GABPB2: variants seen among roughly 807,000 people sequenced by gnomAD.
GABPB2 encodes GA-binding protein subunit beta-2.
In GABPB2, 23 loss-of-function variants were observed where a neutral mutation model predicts 39.1. The ratio of observed to expected loss-of-function variants is 0.59; its 90% CI spans 0.42 to 0.83. The LOEUF (loss-of-function observed/expected upper bound fraction) is 0.83. GABPB2 is among the 40% of genes least tolerant of loss of function. The pLI is 0.00. For synonymous variants in GABPB2, 184 were observed against 199.3 expected (o/e 0.92, Z 0.65); for missense variants, 467 against 541.1 (o/e 0.86, Z 1.36).
At chr1:151,096,009 G>C (rs1204007151) in intron 4 of GABPB2, among the ~76,000 whole-genome samples, 1 of 141,602 alleles carries the variant, frequency 7.1e-6, no homozygotes, top group Non-Finnish European at 1.5e-5. Context: ...CTGTACTCCA[G>C]CCTGGGAGAC....
chr1:151,112,885 C>T (rs933281647), intron 7 of GABPB2, among the ~76,000 whole-genome samples: 1 of 151,990 alleles, frequency 6.6e-6, no homozygotes, highest in Non-Finnish European at 1.5e-5. Context: ...ATTCCCCTGC[C>T]TCAGCCTCCT....
chr1:151,107,632 T>G (rs1277531322), intron 7 of GABPB2, among the ~76,000 whole-genome samples: 1 of 151,980 alleles, frequency 6.6e-6, no homozygotes, highest in African/African-American at 2.4e-5. Context: ...CCGGCCCTGA[T>G]GGCTCTTAAA....
chr1:151,088,708 G>T (rs1678410465), intron 2 of GABPB2, among the ~76,000 whole-genome samples: 1 of 152,152 alleles, frequency 6.6e-6, no homozygotes, highest in Non-Finnish European at 1.5e-5. Context: ...TGGTTAATAA[G>T]AAATTGTCTA....
In GABPB2 at chr1:151,075,563, CAAAAAA is replaced by C. The variant is rs35110350; in HGVS notation, c.-1+4651_-1+4656del. On this transcript the variant is annotated intron_variant, in intron 1 of 8. Transcript: ENST00000368918. ...TGGGCGACAGAGCGAGACTTTGTCT[CAAAAAA>C]AAAAAAAAAAAAAAAAAAAAATTTA... Among the ~76,000 whole-genome samples the C allele has an allele frequency of 1.1e-4, 5 of 44,270 alleles. No individual in the cohort carries two copies. The East Asian group carries it at 1.9e-3, about 17-fold the overall frequency. 29.0% of individuals were successfully genotyped at this position (44,270 alleles called of 152,430 possible).
At chr1:151,098,563 C>T (rs1375359867) in intron 5 of GABPB2, among the ~76,000 whole-genome samples, 2 of 149,362 alleles carry the variant, frequency 1.3e-5, no homozygotes, top group Non-Finnish European at 3.0e-5. Context: ...ATGCCTAGAC[C>T]AAAAATGAAA....
Position 151,109,423 on chromosome 1 carries a change from A to G in GABPB2, c.922+2201A>G, listed in dbSNP as rs587615206. ...CTCCAGGCTGGAGTGCAGTGGCACA[A>G]TCTCGGCTCACTGCAACCTCCACCT... On this transcript the variant is annotated intron_variant, in intron 7 of 8. Coordinates refer to ENST00000368918, the MANE Select transcript of GABPB2 (RefSeq NM_144618.3). 1.1e-4 allele frequency among the ~76,000 whole-genome samples: 17 copies of G among 148,174 alleles called. No homozygotes were observed. In the Admixed American group the frequency reaches 1.2e-3, roughly 10 times the overall value.
intron 4 of GABPB2, among the ~76,000 whole-genome samples, chr1:151,097,533 C>T (rs1163797369): frequency 6.6e-6 from 1 of 151,948 alleles, no homozygotes; most frequent in African/African-American, 2.4e-5. Context: ...TGTAATCCTA[C>T]CACTTTAGGA....
chr1:151,117,436 A>G lies in GABPB2; in HGVS notation c.967A>G (p.Lys323Glu). ...TAAGGTTGCAGAGGAGACTGTAATT[A>G]AAGAGGAAGAAGAAGAGAAGTTGCC... ...AGKVAEETVI[K>E]EEEEEKLPLT... is the part of the protein sequence containing the mutation. The change falls in exon 8 of 9, where the codon AAA becomes GAA. Residue 323 changes from lysine to glutamate, a missense_variant. Lys to Glu is a moderately conservative substitution (Grantham distance 56). Transcript: ENST00000368918. The G allele has an allele frequency of 6.2e-7, 1 of 1,613,784 alleles. No individual in the cohort carries two copies. Among genetic ancestry groups the G allele is most frequent in the Non-Finnish European group, 8.5e-7 (1 of 1,179,680 alleles).
chr1:151,076,715 C>T (rs1053583054), intron 1 of GABPB2, among the ~76,000 whole-genome samples: 1 of 151,672 alleles, frequency 6.6e-6, no homozygotes, highest in Non-Finnish European at 1.5e-5. Context: ...CAGGTGTGAG[C>T]CACTGTGCCT....
chr1:151,105,280 ATTG>A (rs1679867238), intron 6 of GABPB2, among the ~76,000 whole-genome samples: 1 of 151,934 alleles, frequency 6.6e-6, no homozygotes, highest in Non-Finnish European at 1.5e-5. Context: ...TTATTGGGAT[ATTG>A]ACTAATCAAA....
intron 5 of GABPB2, 113 bp from the exon 6 acceptor site, chr1:151,103,449 C>A (rs983969437): frequency 9.3e-6 from 6 of 646,350 alleles, no homozygotes; most frequent in Non-Finnish European, 1.6e-5. Flanking sequence ...AGTTAGAGAA[C>A]AAGATTGAGG....
rs1394047479 is a variant in GABPB2 at position 151,121,082 on chromosome 1, G to C, written c.*2826G>C. The C allele has an allele frequency of 6.6e-6, 1 of 152,080 alleles. No individual in the cohort carries two copies. Among genetic ancestry groups the C allele is most frequent in the Non-Finnish European group, 1.5e-5 (1 of 68,020 alleles). The allele number at this position is 152,080 out of a possible 1,614,324, so 9.4% of individuals were successfully genotyped here. A position where few individuals can be genotyped will look rare whatever the true frequency, so the allele number is the denominator to read the frequency against. On this transcript the variant is annotated 3_prime_UTR_variant, in exon 9 of 9. Coordinates refer to ENST00000368918, the MANE Select transcript of GABPB2 (RefSeq NM_144618.3). ...CTAGACTCTAATTTTATAAAACTTT[G>C]TTGAATTTTCTAAGTGTCATTTAGG...
chr1:151,113,143 A>G (rs1220724450), intron 7 of GABPB2, among the ~76,000 whole-genome samples: 1 of 151,238 alleles, frequency 6.6e-6, no homozygotes, highest in African/African-American at 2.4e-5. Context: ...AGACTCCTAG[A>G]CTCAAGCTTT....
chr1:151,093,196 G>A lies in GABPB2; in HGVS notation c.281G>A (p.Gly94Asp), dbSNP rs755438708. The change falls in exon 4 of 9, where the codon GGT (glycine) becomes GAT (aspartate). Residue 94 changes from glycine (G) to aspartate (D), a missense_variant. Physicochemically the swap from Gly to Asp is moderately conservative, Grantham distance 94. Coordinates refer to ENST00000368918, the MANE Select transcript of GABPB2 (RefSeq NM_144618.3). ...AAAAATGCTTTTCTGTGACAGAATG[G>A]TGCAGATGTGAATGCCAAGGACATG... The part of the protein sequence containing the change: ...AHIVELLVRN[G>D]ADVNAKDMLK... 1.9e-5 allele frequency: 30 copies of A among 1,587,112 alleles called. No individual in the cohort carries two copies. The highest frequency in any genetic ancestry group is 2.5e-5 in the Non-Finnish European group (29 of 1,166,842).
At chr1:151,090,302 C>A in intron 2 of GABPB2, 104 bp from the exon 3 acceptor site, 1 of 1,107,164 alleles carries the variant, frequency 9.0e-7, no homozygotes. Flanking sequence ...CAACCAGATT[C>A]TCTCTTGAAG....
chr1:151,098,652 A>G (rs1258286078), intron 5 of GABPB2, among the ~76,000 whole-genome samples: 2 of 152,190 alleles, frequency 1.3e-5, no homozygotes, highest in African/African-American at 4.8e-5. Flanking sequence ...CAGAATAAAC[A>G]TAAGCGGCTT....
chr1:151,105,390 A>G (rs1162054607), intron 6 of GABPB2, among the ~76,000 whole-genome samples: 5 of 149,404 alleles, frequency 3.3e-5, no homozygotes, highest in Admixed American at 2.0e-4. Context: ...GTGTATATAT[A>G]TGTATATATC....
At chr1:151,115,974 G>T (rs974392366) in intron 7 of GABPB2, among the ~76,000 whole-genome samples, 2 of 152,020 alleles carry the variant, frequency 1.3e-5, no homozygotes, top group Non-Finnish European at 2.9e-5. Flanking sequence ...GTGATGGCAT[G>T]CACCTGTAGT....
At chr1:151,080,796 C>T (rs890006638) in intron 1 of GABPB2, among the ~76,000 whole-genome samples, 44 of 149,020 alleles carry the variant, frequency 3.0e-4, no homozygotes, top group Non-Finnish European at 5.5e-4. Flanking sequence ...TTGGAGGTTG[C>T]AGTGAGCCGA....
Sources: allele counts gnomAD v4.1 joint callset (sites outside exome capture counted in the v4.1 genomes callset), GRCh38; gene constraint gnomAD v4.1.1; transcripts MANE v1.5; gene names NCBI Gene and HGNC (gene_info 2026-07-23, HGNC 2026-07-21).